The following ZNF804B variants were observed in gnomAD, a reference collection of about 807,000 sequenced individuals.
ZNF804B encodes the protein zinc finger 804B.
Under a neutral mutation model 101.4 loss-of-function variants are expected in ZNF804B, and 80 were observed. The ratio of observed to expected loss-of-function variants is 0.79; its 90% confidence interval spans 0.66 to 0.95. The LOEUF is 0.95. ZNF804B is among the 40% of genes least tolerant of loss of function. The probability of loss-of-function intolerance (pLI) is 0.00; values close to 1 mark genes in which losing one functional copy is unlikely to be tolerated. For synonymous variants in ZNF804B, 622 were observed against 558.8 expected (o/e 1.11, Z -1.59); for missense variants, 1,673 against 1,561.9 (o/e 1.07, Z -1.20).
Position 89,159,742 on chromosome 7 carries a change from C to G in ZNF804B, c.109-58413C>G, listed in dbSNP as rs533392156. On this transcript the variant is annotated intron_variant, in intron 1 of 3. Coordinates refer to ENST00000333190, the MANE Select transcript of ZNF804B (RefSeq NM_181646.5). ...TTTGAAATAAGATACACAGCTCTCA[C>G]TCAATTATCATTCAAGAGGAAAACA... Among the ~76,000 whole-genome samples the G allele has an allele frequency of 5.1e-4, 77 of 152,236 alleles. 1 individual carries two copies. Among genetic ancestry groups the G allele is most frequent in the Admixed American group, 9.2e-4 (14 of 15,274 alleles).
chr7:88,819,566 A>G (rs1436047998), intron 1 of ZNF804B, among the ~76,000 whole-genome samples: 2 of 152,190 alleles, frequency 1.3e-5, no homozygotes, highest in Admixed American at 6.5e-5. Context: ...TGGAAGATAT[A>G]TACCCATCTT....
intron 1 of ZNF804B, among the ~76,000 whole-genome samples, chr7:88,815,205 T>C (rs1319759440): frequency 6.8e-6 from 1 of 147,920 alleles, no homozygotes; most frequent in Non-Finnish European, 1.5e-5. Flanking sequence ...TTTTATATAT[T>C]CTCTATATAT....
chr7:88,925,666 C>A (rs760384865), intron 1 of ZNF804B, among the ~76,000 whole-genome samples: 1 of 152,134 alleles, frequency 6.6e-6, no homozygotes, highest in Admixed American at 6.5e-5. Flanking sequence ...AAAGTCATTG[C>A]TGATGCCCTT....
chr7:88,887,820 G>T (rs762196644), intron 1 of ZNF804B, among the ~76,000 whole-genome samples: 4 of 150,560 alleles, frequency 2.7e-5, no homozygotes, highest in East Asian at 1.9e-4. Flanking sequence ...TCATTACTAC[G>T]ATCCTACCCA....
intron 1 of ZNF804B, among the ~76,000 whole-genome samples, chr7:89,122,527 A>G (rs149299538): frequency 2.0e-5 from 3 of 152,256 alleles, no homozygotes; most frequent in Admixed American, 6.5e-5. Context: ...AGGCAGTGCA[A>G]CCCTTATTCC....
rs1032095859 is a variant in ZNF804B, at chr7:88,944,939, TG to T, written c.108+184856del. Among the ~76,000 whole-genome samples, 60 of 152,114 alleles carry T rather than the reference TG, an allele frequency of 3.9e-4. 3 individuals carry two copies. The highest frequency in any genetic ancestry group is 1.4e-3 in the African/African-American group (58 of 41,548). Reference sequence around the variant, plus strand: ...ATATATAAAACATAAAAGATGGGGTTGTTTTTTTCTTGTAAATTTGTTTAAG... The same window carrying T: ...ATATATAAAACATAAAAGATGGGGTTTTTTTTTCTTGTAAATTTGTTTAAG... On this transcript the variant is annotated intron_variant, in intron 1 of 3. Transcript: ENST00000333190.
At chr7:89,045,666 G>A (rs1019957639) in intron 1 of ZNF804B, among the ~76,000 whole-genome samples, 2 of 152,154 alleles carry the variant, frequency 1.3e-5, no homozygotes, top group African/African-American at 4.8e-5. Flanking sequence ...CTTGCATTGA[G>A]CCTGTAGCTC....
chr7:89,211,830 CT>C (rs770542181), intron 1 of ZNF804B, among the ~76,000 whole-genome samples: 2 of 152,276 alleles, frequency 1.3e-5, no homozygotes. Flanking sequence ...TACACAAGCT[CT>C]TTTTTGAATC....
rs1156456821 is a variant in ZNF804B at position 89,277,494 on chromosome 7, C to A, written c.250-49850C>A. Among the ~76,000 whole-genome samples the A allele has an allele frequency of 1.1e-3, 69 of 63,710 alleles. 5 individuals carry two copies. The highest frequency in any genetic ancestry group is 2.0e-3 in the Non-Finnish European group (58 of 29,716). The allele number at this position is 63,710 out of a possible 152,430, so 41.8% of individuals were successfully genotyped here. A position where few individuals can be genotyped will look rare whatever the true frequency, so the allele number is the denominator to read the frequency against. On this transcript the variant is annotated intron_variant, in intron 2 of 3. Transcript: ENST00000333190. ...CCCTCCCCCCTCCCCCCTCCCCCCT[C>A]CCCCCTACCCCCACCCCACAACAGT...
intron 1 of ZNF804B, among the ~76,000 whole-genome samples, chr7:89,166,599 T>G (rs1791147755): frequency 6.6e-6 from 1 of 152,214 alleles, no homozygotes; most frequent in African/African-American, 2.4e-5. Flanking sequence ...CAACTTTTTC[T>G]TGTAATATCA....
intron 1 of ZNF804B, among the ~76,000 whole-genome samples, chr7:89,090,608 A>T (rs1447050308): frequency 6.6e-6 from 1 of 152,012 alleles, no homozygotes; most frequent in Non-Finnish European, 1.5e-5. Flanking sequence ...AAAAATAGGA[A>T]ATTCAGCATT....
chr7:88,967,276 G>A (rs1793469602), intron 1 of ZNF804B, among the ~76,000 whole-genome samples: 1 of 151,458 alleles, frequency 6.6e-6, no homozygotes, highest in Admixed American at 6.6e-5. Flanking sequence ...GAAAGGTGAA[G>A]GGAAGCAAGA....
Position 88,939,158 on chromosome 7 carries a change from A to AC in ZNF804B, c.108+179080dup, listed in dbSNP as rs557187600. ...TATCCATTGGGGATTGTTTTCAGGA[A>AC]CCCCCCTGGGATACCAAAATTTATA... On this transcript the variant is annotated intron_variant, in intron 1 of 3. Transcript: ENST00000333190. 4.5e-4 allele frequency among the ~76,000 whole-genome samples: 69 copies of AC among 151,758 alleles called. 1 individual carries two copies. Among genetic ancestry groups the AC allele is most frequent in the Non-Finnish European group, 8.7e-4 (59 of 67,862 alleles).
At chr7:88,947,727 A>G (rs1200611168) in intron 1 of ZNF804B, among the ~76,000 whole-genome samples, 2 of 151,952 alleles carry the variant, frequency 1.3e-5, no homozygotes, top group East Asian at 2.0e-4. Flanking sequence ...TCCATCCCCA[A>G]TAAATCTCAC....
intron 1 of ZNF804B, among the ~76,000 whole-genome samples, chr7:88,987,495 C>A (rs1350030544): frequency 1.3e-5 from 2 of 152,000 alleles, no homozygotes; most frequent in Non-Finnish European, 2.9e-5. Flanking sequence ...GAACATATTT[C>A]TTTTTCCCCA....
At chr7:88,803,542 G>T (rs1790640466) in intron 1 of ZNF804B, among the ~76,000 whole-genome samples, 1 of 152,112 alleles carries the variant, frequency 6.6e-6, no homozygotes, top group Non-Finnish European at 1.5e-5. Flanking sequence ...AGGTAGACAA[G>T]ACCTGATTCA....
chr7:89,031,151 C>G (rs1194601943), intron 1 of ZNF804B, among the ~76,000 whole-genome samples: 1 of 151,200 alleles, frequency 6.6e-6, no homozygotes, highest in African/African-American at 2.4e-5. Context: ...CACATGTACC[C>G]TGCAACTTAA....
At chr7:89,080,741 G>T (rs1312601163) in intron 1 of ZNF804B, among the ~76,000 whole-genome samples, 1 of 151,914 alleles carries the variant, frequency 6.6e-6, no homozygotes, top group Non-Finnish European at 1.5e-5. Flanking sequence ...GGAATAGGAG[G>T]TGACATCGAC....
chr7:88,953,702 T>C (rs557590011), intron 1 of ZNF804B, among the ~76,000 whole-genome samples: 169 of 151,856 alleles, frequency 1.1e-3, no homozygotes, highest in Non-Finnish European at 1.8e-3. Context: ...TCATAGAATC[T>C]TAAGATTCTT....
Sources: allele counts gnomAD v4.1 joint callset (sites outside exome capture counted in the v4.1 genomes callset), GRCh38; gene constraint gnomAD v4.1.1; transcripts MANE v1.5; gene names NCBI Gene and HGNC (gene_info 2026-07-23, HGNC 2026-07-21).